PLCL2: variants seen among roughly 807,000 people sequenced by gnomAD.
PLCL2 encodes inactive phospholipase C-like protein 2.
In PLCL2, 4 loss-of-function variants were observed where a neutral mutation model predicts 79.6. That is an observed-to-expected ratio of 0.05 (90% CI 0.02 to 0.11). The LOEUF (loss-of-function observed/expected upper bound fraction) is 0.11, where lower values mean the gene tolerates loss of function less well. Among genes scored for constraint, PLCL2 ranks in the 10% least tolerant of loss-of-function variants. The pLI is 1.00. For synonymous variants in PLCL2, 484 were observed against 457.7 expected (o/e 1.06, Z -0.73); for missense variants, 895 against 1,291.0 (o/e 0.69, Z 4.70).
At chr3:17,017,958 A>T (rs1323740486) in intron 3 of PLCL2, among the ~76,000 whole-genome samples, 1 of 152,178 alleles carries the variant, frequency 6.6e-6, no homozygotes, top group Admixed American at 6.5e-5. Context: ...TTGTGCTTTT[A>T]CAGGACTTGT....
At chr3:16,910,797 T>C (rs191255470) in intron 1 of PLCL2, among the ~76,000 whole-genome samples, 10 of 152,150 alleles carry the variant, frequency 6.6e-5, no homozygotes, top group Admixed American at 5.9e-4. Flanking sequence ...TCTGTAGCCT[T>C]CTTTCTTAGT....
At chr3:16,903,093 A>G (rs1286220231) in intron 1 of PLCL2, among the ~76,000 whole-genome samples, 2 of 152,194 alleles carry the variant, frequency 1.3e-5, no homozygotes, top group African/African-American at 4.8e-5. Flanking sequence ...GCATATTTGC[A>G]TGCCAGAGAG....
chr3:17,014,619 C>G, intron 2 of PLCL2, 89 bp from the exon 3 acceptor site: 1 of 1,022,814 alleles, frequency 9.8e-7, no homozygotes. Flanking sequence ...CCAGGTGGTT[C>G]AAGCATAATC....
intron 1 of PLCL2, among the ~76,000 whole-genome samples, chr3:16,996,139 C>T (rs150843066): frequency 6.6e-6 from 1 of 152,278 alleles, no homozygotes; most frequent in Non-Finnish European, 1.5e-5. Context: ...TAGGTGAGCA[C>T]ACCTACTGAG....
intron 1 of PLCL2, among the ~76,000 whole-genome samples, chr3:16,977,759 C>G (rs1469239182): frequency 6.6e-6 from 1 of 152,108 alleles, no homozygotes; most frequent in Non-Finnish European, 1.5e-5. Context: ...GCCACCATTA[C>G]AAAATATCCT....
chr3:16,895,373 T>C (rs1453721711), intron 1 of PLCL2, among the ~76,000 whole-genome samples: 1 of 152,208 alleles, frequency 6.6e-6, no homozygotes, highest in Non-Finnish European at 1.5e-5. Context: ...CATGTTTAGA[T>C]CTGGATTTCA....
intron 1 of PLCL2, among the ~76,000 whole-genome samples, chr3:16,903,966 T>C (rs1696689274): frequency 6.6e-6 from 1 of 152,236 alleles, no homozygotes; most frequent in South Asian, 2.1e-4. Flanking sequence ...ATTATGTGCA[T>C]GTGGAGACTA....
intron 1 of PLCL2, among the ~76,000 whole-genome samples, chr3:16,922,296 A>G (rs1263337352): frequency 1.3e-5 from 2 of 152,234 alleles, no homozygotes; most frequent in East Asian, 3.8e-4. Flanking sequence ...CTGAAATTTT[A>G]TAAAGGTCTA....
At chr3:16,979,925 C>T (rs1175494652) in intron 1 of PLCL2, among the ~76,000 whole-genome samples, 6 of 150,402 alleles carry the variant, frequency 4.0e-5, no homozygotes, top group East Asian at 2.0e-4. Flanking sequence ...CAGGCAGAGG[C>T]GACCCTCACC....
At chr3:17,065,345 G>T (rs1011886470) in intron 4 of PLCL2, among the ~76,000 whole-genome samples, 2 of 152,014 alleles carry the variant, frequency 1.3e-5, no homozygotes, top group Non-Finnish European at 2.9e-5. Context: ...GCATCTTCAA[G>T]TCCCCAATCC....
chr3:17,010,040 G>A lies in PLCL2; in HGVS notation c.694G>A (p.Val232Ile). 4 of 1,613,064 alleles carry A rather than the reference G, an allele frequency of 2.5e-6. No individual in the cohort carries two copies. The highest frequency in any genetic ancestry group is 3.4e-6 in the Non-Finnish European group (4 of 1,179,074). ...AGAGAATTATGAGTCACTGGATTTGGTTGCCAACTCCGCAGATGTTGCAAA... is the reference window on the plus strand; with the variant it reads ...AGAGAATTATGAGTCACTGGATTTGATTGCCAACTCCGCAGATGTTGCAAA... ...YGENYESLDLVANSADVANIW... is the reference protein window; with the variant it reads ...YGENYESLDLIANSADVANIW... Residue 232 changes from valine (V) to isoleucine (I), a missense_variant, in exon 2 of 6, where the codon GTT becomes ATT. Physicochemically the swap from Val to Ile is conservative, Grantham distance 29 (BLOSUM62 3). This residue lies in a region of PLCL2 where 129 missense variants were observed against 208.8 expected (regional missense o/e 0.62). Coordinates refer to ENST00000615277, the MANE Select transcript of PLCL2 (RefSeq NM_001144382.2). The surrounding 1 kb of genome is among the most constrained non-coding windows in gnomAD (Gnocchi z 5.8).
intron 5 of PLCL2, among the ~76,000 whole-genome samples, chr3:17,071,874 T>C (rs901307084): frequency 7.2e-5 from 11 of 152,070 alleles, no homozygotes; most frequent in Admixed American, 1.3e-4. Flanking sequence ...TCACCCAGGC[T>C]GGAGTCCAGT....
intron 1 of PLCL2, among the ~76,000 whole-genome samples, chr3:16,890,510 G>GATC (rs1162017773): frequency 9.2e-5 from 14 of 152,196 alleles, no homozygotes; most frequent in Admixed American, 9.2e-4. Flanking sequence ...CCTAAATGCA[G>GATC]ATATAAATGA....
At chr3:17,028,022 A>G (rs1486784412) in intron 3 of PLCL2, among the ~76,000 whole-genome samples, 5 of 152,212 alleles carry the variant, frequency 3.3e-5, no homozygotes, top group African/African-American at 1.2e-4. Flanking sequence ...GTGTTTATGT[A>G]TAACCATGGT....
intron 3 of PLCL2, among the ~76,000 whole-genome samples, chr3:17,035,133 T>C (rs536940481): frequency 6.6e-6 from 1 of 152,292 alleles, no homozygotes; most frequent in South Asian, 2.1e-4. Context: ...TTTTCAATTA[T>C]CCAGTGCCAG....
chr3:17,076,265 C>T (rs1056027262), intron 5 of PLCL2, among the ~76,000 whole-genome samples: 2 of 151,900 alleles, frequency 1.3e-5, no homozygotes, highest in Admixed American at 6.6e-5. Context: ...ATCTGACTGA[C>T]TCTAATGTGG....
At chr3:17,051,190 T>C (rs1292369690) in intron 4 of PLCL2, among the ~76,000 whole-genome samples, 2 of 152,278 alleles carry the variant, frequency 1.3e-5, no homozygotes, top group African/African-American at 2.4e-5. Context: ...GGATGGTTAA[T>C]GCGTACCAAA....
At chr3:16,902,662 A>G (rs1351787840) in intron 1 of PLCL2, among the ~76,000 whole-genome samples, 1 of 152,012 alleles carries the variant, frequency 6.6e-6, no homozygotes, top group African/African-American at 2.4e-5. Context: ...CCCTGTCTCT[A>G]TTAGAAATAC....
chr3:16,972,564 A>G (rs182044676), intron 1 of PLCL2, among the ~76,000 whole-genome samples: 43 of 152,230 alleles, frequency 2.8e-4, no homozygotes, highest in Admixed American at 8.5e-4. Context: ...TTGATGATCT[A>G]ACATTGTTGG....
Sources: gnomAD v4.1 joint callset for allele counts (sites outside exome capture counted in the v4.1 genomes callset) on GRCh38, gnomAD v4.1.1 for gene constraint, gnomAD v4.1.1 regional missense constraint, Gnocchi (gnomAD v3.1) non-coding constraint, MANE v1.5 for transcripts, NCBI Gene and HGNC (gene_info 2026-07-23, HGNC 2026-07-21) for gene names.